The following ZNF487 variants were observed in gnomAD, a reference collection of about 807,000 sequenced individuals.
The protein encoded by ZNF487 is zinc finger protein 487, also known as KRAB domain only 1.
Under a neutral mutation model 3.0 loss-of-function variants are expected in ZNF487, and 4 were observed. That is an observed-to-expected ratio of 1.35 (90% confidence interval 0.66 to 3.08). The LOEUF is 3.08. Ranked by LOEUF, ZNF487 falls within the 30% of genes most tolerant of loss-of-function variation. The pLI is 0.01. For missense variants in ZNF487, 146 were observed against 98.7 expected, an observed-to-expected ratio of 1.48 and a Z score of -2.03; for synonymous variants, 55 against 34.6, an observed-to-expected ratio of 1.59 and a Z score of -2.06.
chr10:43,498,099 A>ATTTTTTTTTTTT, the ZNF487 span, among the ~76,000 whole-genome samples: 2 of 20,184 alleles, frequency 9.9e-5, no homozygotes, highest in Non-Finnish European at 1.5e-4. Context: ...ATATATATAT[A>ATTTTTTTTTTTT]TTTTTTTTTT....
At chr10:43,514,035 A>G in the ZNF487 span, among the ~76,000 whole-genome samples, 1 of 152,196 alleles carries the variant, frequency 6.6e-6, no homozygotes, top group East Asian at 1.9e-4. Flanking sequence ...TTCTTCCTCA[A>G]GGGGACCTGG....
chr10:43,441,034 A>ATGTTTTTTTTTTT (rs1839582952), intron 1 of ZNF487, among the ~76,000 whole-genome samples: 1 of 44,544 alleles, frequency 2.2e-5, no homozygotes, highest in Non-Finnish European at 3.6e-5. Context: ...ACCTGGTTAA[A>ATGTTTTTTTTTTT]TTTTTTTTTT....
intron 1 of ZNF487, among the ~76,000 whole-genome samples, chr10:43,467,161 C>T (rs975421199): frequency 1.2e-4 from 18 of 151,954 alleles, no homozygotes; most frequent in Admixed American, 7.2e-4. Context: ...AAGCATGAGC[C>T]GCCGCACCCG....
the ZNF487 span, among the ~76,000 whole-genome samples, chr10:43,522,831 C>T: frequency 6.6e-6 from 1 of 152,136 alleles, no homozygotes; most frequent in Admixed American, 6.5e-5. Context: ...AGATAAAAAC[C>T]TACATTTGCC....
the ZNF487 span, among the ~76,000 whole-genome samples, chr10:43,496,305 A>T: frequency 6.6e-6 from 1 of 152,118 alleles, no homozygotes; most frequent in African/African-American, 2.4e-5. Flanking sequence ...GTCACTGGAA[A>T]CTTTTTTCCC....
chr10:43,505,815 G>A, the ZNF487 span, among the ~76,000 whole-genome samples: 31 of 152,102 alleles, frequency 2.0e-4, no homozygotes, highest in African/African-American at 7.2e-4. Flanking sequence ...GCTAATTTCT[G>A]TATTTTTAGT....
chr10:43,445,166 T>C (rs1839752586), intron 1 of ZNF487, among the ~76,000 whole-genome samples: 1 of 152,102 alleles, frequency 6.6e-6, no homozygotes, highest in East Asian at 1.9e-4. Context: ...TTTTTTTTTT[T>C]TCTTTAGAGA....
downstream of ZNF487, among the ~76,000 whole-genome samples, chr10:43,488,137 A>C (rs1248029455): frequency 6.6e-6 from 1 of 151,842 alleles, no homozygotes; most frequent in Admixed American, 6.6e-5. Flanking sequence ...TACATCCTTA[A>C]TTGTGAGCTT....
At chr10:43,500,123 C>T in the ZNF487 span, among the ~76,000 whole-genome samples, 1 of 152,162 alleles carries the variant, frequency 6.6e-6, no homozygotes. Context: ...GATCCGCCTG[C>T]CTCGGCCTCC....
the ZNF487 span, among the ~76,000 whole-genome samples, chr10:43,511,307 A>G: frequency 6.6e-5 from 10 of 152,198 alleles, no homozygotes; most frequent in African/African-American, 2.4e-4. Context: ...CATGAGCATG[A>G]GCCCACTGCC....
the ZNF487 span, among the ~76,000 whole-genome samples, chr10:43,504,293 C>CTT: frequency 0.29 from 30,980 of 108,544 alleles, 5,952 homozygotes; most frequent in Admixed American, 0.36. Flanking sequence ...TTCTTTCTTT[C>CTT]TTTTTTTTTT....
chr10:43,459,611 C>T (rs971137331), intron 1 of ZNF487, among the ~76,000 whole-genome samples: 22 of 152,094 alleles, frequency 1.4e-4, no homozygotes, highest in African/African-American at 4.6e-4. Context: ...CACTCTGTCA[C>T]GCAGTCTGGA....
chr10:43,492,615 C>G, the ZNF487 span, among the ~76,000 whole-genome samples: 371 of 152,142 alleles, frequency 2.4e-3, no homozygotes, highest in Non-Finnish European at 3.7e-3. Context: ...CCACGCCCGG[C>G]TAATTTTTTT....
chr10:43,477,460 G>T lies in ZNF487; in HGVS notation c.130+1258G>T, dbSNP rs185606455. Among the ~76,000 whole-genome samples, 723 of 152,078 alleles carry T rather than the reference G, an allele frequency of 4.8e-3. 7 individuals are homozygous for T. Among genetic ancestry groups the T allele is most frequent in the African/African-American group, 0.017 (698 of 41,510 alleles). ...TCTGCCCCCCTTGGCCTCCCAAAGT[G>T]CTGGGATTACAGGTGTGAGCCACTG... On this transcript the variant is annotated intron_variant, in intron 3 of 3. Transcript: ENST00000437590.
rs576236105 is a variant in ZNF487, at chr10:43,446,144, C to A, written c.-94+8882C>A. On this transcript the variant is annotated intron_variant, in intron 1 of 3. Coordinates refer to ENST00000437590, the MANE Select transcript of ZNF487 (RefSeq NM_001355444.3). ...GCCCCACGTTTCCCCCTTTTCTATT[C>A]GACAAAACCGCCGTCGTCATCATGG... Among the ~76,000 whole-genome samples the A allele has an allele frequency of 5.3e-5, 8 of 152,358 alleles. No homozygotes were observed. The East Asian group carries it at 1.5e-3, about 29-fold the overall frequency.
At chr10:43,451,422 T>G (rs1840006628) in intron 1 of ZNF487, among the ~76,000 whole-genome samples, 1 of 150,592 alleles carries the variant, frequency 6.6e-6, no homozygotes, top group Non-Finnish European at 1.5e-5. Context: ...ATTTTGTATT[T>G]TTAGTAGAGA....
the ZNF487 span, among the ~76,000 whole-genome samples, chr10:43,492,253 C>G: frequency 6.6e-6 from 1 of 151,642 alleles, no homozygotes; most frequent in Non-Finnish European, 1.5e-5. Context: ...AAGTGGAATT[C>G]TTTTGGGGTG....
At chr10:43,500,572 G>C in the ZNF487 span, among the ~76,000 whole-genome samples, 1 of 152,078 alleles carries the variant, frequency 6.6e-6, no homozygotes, top group Admixed American at 6.5e-5. Flanking sequence ...TGCAATCTCA[G>C]CTCACCGCAA....
intron 1 of ZNF487, among the ~76,000 whole-genome samples, chr10:43,465,314 G>C (rs1329765485): frequency 6.6e-6 from 1 of 151,698 alleles, no homozygotes; most frequent in African/African-American, 2.4e-5. Context: ...TCCCGGACCG[G>C]GTGGCTGCCG....
Sources: allele counts gnomAD v4.1 joint callset (sites outside exome capture counted in the v4.1 genomes callset), GRCh38; gene constraint gnomAD v4.1.1; transcripts MANE v1.5; gene names NCBI Gene and HGNC (gene_info 2026-07-23, HGNC 2026-07-21).